EDNRB: variants seen among roughly 807,000 people sequenced by gnomAD.
The protein encoded by EDNRB is endothelin receptor type B, also known as Hirschsprung disease 2.
A neutral mutation model predicts 46.4 loss-of-function variants in EDNRB; 18 were observed. The observed-to-expected ratio is 0.39, with a 90% CI of 0.27 to 0.57. The LOEUF (loss-of-function observed/expected upper bound fraction) is 0.57, where lower values mean the gene tolerates loss of function less well. EDNRB is among the 20% of genes least tolerant of loss of function. The pLI is 0.61. For missense variants in EDNRB, 434 were observed against 537.5 expected, an observed-to-expected ratio of 0.81 and a Z score of 1.90; for synonymous variants, 213 against 204.9, an observed-to-expected ratio of 1.04 and a Z score of -0.34.
chr13:77,929,297 C>T lies in EDNRB; in HGVS notation c.-51-10673G>A, dbSNP rs555411619. ...TCTTCCCAAACAGTCATCTATAGGA[C>T]ATAGGGAGAAGAAGGAAAGATAAAT... On this transcript the variant is annotated intron_variant, in intron 1 of 7. Transcript: ENST00000646948. Among the ~76,000 whole-genome samples, 16 of 152,156 alleles carry T rather than the reference C, an allele frequency of 1.1e-4. No homozygotes were observed. In the East Asian group the frequency reaches 2.5e-3, roughly 24 times the overall value.
intron 1 of EDNRB, among the ~76,000 whole-genome samples, chr13:77,927,611 G>C (rs1328782763): frequency 6.6e-6 from 1 of 152,154 alleles, no homozygotes; most frequent in African/African-American, 2.4e-5. Flanking sequence ...TATCATTACT[G>C]GGATGCTTTG....
At chr13:77,964,763 A>G (rs556935151) in intron 1 of EDNRB, among the ~76,000 whole-genome samples, 1 of 152,320 alleles carries the variant, frequency 6.6e-6, no homozygotes, top group East Asian at 1.9e-4. Context: ...TGTACCCTAG[A>G]ACTTAAAGTA....
Position 77,938,256 on chromosome 13 carries a change from G to A in EDNRB, c.-51-19632C>T, listed in dbSNP as rs186853538. ...GGGGGTTCTTACCCTCCAGAAAAGC[G>A]GGAAAGGAGTCAGGGCACAGAAATA... On this transcript the variant is annotated intron_variant, in intron 1 of 7. Coordinates refer to the EDNRB transcript ENST00000646948. Among the ~76,000 whole-genome samples, 680 of 152,136 alleles carry A rather than the reference G, an allele frequency of 4.5e-3. 1 individual carries two copies. Among genetic ancestry groups the A allele is most frequent in the Non-Finnish European group, 7.8e-3 (530 of 67,992 alleles).
intron 1 of EDNRB, among the ~76,000 whole-genome samples, chr13:77,909,032 G>A (rs1186541020): frequency 2.0e-5 from 3 of 151,904 alleles, no homozygotes; most frequent in African/African-American, 7.2e-5. Context: ...CAAAATGATA[G>A]CCTATGTTTG....
At chr13:77,940,529 T>G (rs1880712837) in intron 1 of EDNRB, among the ~76,000 whole-genome samples, 1 of 152,216 alleles carries the variant, frequency 6.6e-6, no homozygotes, top group Non-Finnish European at 1.5e-5. Context: ...GGAGTTTTAG[T>G]GCAATAAGTC....
upstream of EDNRB, among the ~76,000 whole-genome samples, chr13:77,920,200 A>G (rs1418721349): frequency 6.6e-6 from 1 of 152,186 alleles, no homozygotes; most frequent in Non-Finnish European, 1.5e-5. Flanking sequence ...CTTATCGGAG[A>G]CATGAAAATA....
intron 1 of EDNRB, among the ~76,000 whole-genome samples, chr13:77,906,620 C>T (rs141634822): frequency 9.2e-5 from 14 of 152,112 alleles, no homozygotes; most frequent in Non-Finnish European, 1.9e-4. Flanking sequence ...ACTGAGGCCT[C>T]TTGAAAACAT....
chr13:77,936,783 G>A (rs892764337), intron 1 of EDNRB, among the ~76,000 whole-genome samples: 1 of 152,234 alleles, frequency 6.6e-6, no homozygotes, highest in Non-Finnish European at 1.5e-5. Context: ...GGCACTTGAA[G>A]CAAGATCCTG....
intron 1 of EDNRB, among the ~76,000 whole-genome samples, chr13:77,944,200 C>T (rs1219328210): frequency 6.6e-6 from 1 of 152,074 alleles, no homozygotes; most frequent in East Asian, 1.9e-4. Context: ...ATAAAGATGG[C>T]CAATGAGGCT....
intron 1 of EDNRB, among the ~76,000 whole-genome samples, chr13:77,958,821 G>T: frequency 6.6e-6 from 1 of 152,252 alleles, no homozygotes; most frequent in East Asian, 1.9e-4. Context: ...ATGTAAATGT[G>T]AAGGCTTATG....
At chr13:77,934,175 A>G (rs1036353663) in intron 1 of EDNRB, among the ~76,000 whole-genome samples, 11 of 152,176 alleles carry the variant, frequency 7.2e-5, no homozygotes, top group Non-Finnish European at 1.5e-4. Context: ...TAGGAGTATG[A>G]CTAGAGAGAA....
chr13:77,899,780 G>C (rs753147665), intron 6 of EDNRB, 79 bp downstream of exon 6: 68 of 1,053,342 alleles, frequency 6.5e-5, no homozygotes, highest in Non-Finnish European at 9.5e-5. Context: ...AATCTGTCTG[G>C]ATAGATATAT....
chr13:77,898,684 T>C (rs928444296), intron 6 of EDNRB, among the ~76,000 whole-genome samples: 1 of 151,998 alleles, frequency 6.6e-6, no homozygotes, highest in African/African-American at 2.4e-5. Context: ...ATGAAATAAA[T>C]AAATTATACA....
At chr13:77,946,114 T>C (rs962281393) in intron 1 of EDNRB, among the ~76,000 whole-genome samples, 1 of 152,216 alleles carries the variant, frequency 6.6e-6, no homozygotes, top group African/African-American at 2.4e-5. Context: ...GTATCCGAAC[T>C]GTGATATACG....
chr13:77,954,651 C>T (rs1881183674), intron 1 of EDNRB, among the ~76,000 whole-genome samples: 1 of 151,930 alleles, frequency 6.6e-6, no homozygotes, highest in Non-Finnish European at 1.5e-5. Flanking sequence ...GGACTACATG[C>T]ATGTGCCACG....
chr13:77,947,507 T>G (rs920447411), intron 1 of EDNRB: 1 of 151,978 alleles, frequency 6.6e-6, no homozygotes, highest in African/African-American at 2.4e-5. Flanking sequence ...TTATTTTTAT[T>G]TTTTTTAGAG....
At chr13:77,959,026 A>G (rs1594397692) in intron 1 of EDNRB, among the ~76,000 whole-genome samples, 1 of 152,220 alleles carries the variant, frequency 6.6e-6, no homozygotes, top group Admixed American at 6.5e-5. Flanking sequence ...GGAGGGGTGA[A>G]TGATCTCTCA....
intron 1 of EDNRB, among the ~76,000 whole-genome samples, chr13:77,930,786 C>T (rs1880370936): frequency 6.6e-6 from 1 of 152,178 alleles, no homozygotes; most frequent in South Asian, 2.1e-4. Context: ...GAAATGTTCT[C>T]AGAAATAATG....
intron 1 of EDNRB, among the ~76,000 whole-genome samples, chr13:77,953,311 G>C (rs748551226): frequency 6.6e-5 from 10 of 151,662 alleles, no homozygotes; most frequent in Non-Finnish European, 1.3e-4. Flanking sequence ...AGTTACTAAG[G>C]TGGAAGATAT....
Sources: allele counts gnomAD v4.1 joint callset (sites outside exome capture counted in the v4.1 genomes callset), GRCh38; gene constraint gnomAD v4.1.1; transcripts MANE v1.5; gene names NCBI Gene and HGNC (gene_info 2026-07-23, HGNC 2026-07-21).